TMC1: variants seen among roughly 807,000 people sequenced by gnomAD.
TMC1 encodes the protein transmembrane channel-like protein 1.
Under a neutral mutation model 105.8 loss-of-function variants are expected in TMC1, and 84 were observed. The observed-to-expected ratio is 0.79, with a 90% CI of 0.67 to 0.95. The LOEUF is 0.95. Among genes scored for constraint, TMC1 ranks in the 40% least tolerant of loss-of-function variants. TMC1 has a pLI of 0.00. For synonymous variants in TMC1, 315 were observed against 311.5 expected, an observed-to-expected ratio of 1.01 and a Z score of -0.12; for missense variants, 817 against 914.1, an observed-to-expected ratio of 0.89 and a Z score of 1.37.
At chr9:72,620,488 T>C (rs1336113363) in intron 3 of TMC1, among the ~76,000 whole-genome samples, 1 of 152,114 alleles carries the variant, frequency 6.6e-6, no homozygotes, top group African/African-American at 2.4e-5. Context: ...TGGACTCAAG[T>C]GATCCTCCTA....
chr9:72,683,818 A>G (rs1436239259), intron 5 of TMC1, among the ~76,000 whole-genome samples: 1 of 141,570 alleles, frequency 7.1e-6, no homozygotes, highest in African/African-American at 2.6e-5. Flanking sequence ...CTAAAATGCA[A>G]AATTTTGCTT....
At chr9:72,698,255 CA>C (rs1476136244) in intron 7 of TMC1, among the ~76,000 whole-genome samples, 1 of 151,882 alleles carries the variant, frequency 6.6e-6, no homozygotes, top group East Asian at 1.9e-4. Context: ...TTGAATTGTC[CA>C]AAAAACAAAC....
chr9:72,664,596 A>G (rs1444683168), intron 5 of TMC1, among the ~76,000 whole-genome samples: 1 of 152,108 alleles, frequency 6.6e-6, no homozygotes, highest in Admixed American at 6.6e-5. Flanking sequence ...GAGAGAAGAG[A>G]AGGAGCATCT....
At chr9:72,544,739 CA>C (rs1194393015) in intron 1 of TMC1, among the ~76,000 whole-genome samples, 1 of 151,162 alleles carries the variant, frequency 6.6e-6, no homozygotes, top group African/African-American at 2.4e-5. Context: ...CTCGGCCTCC[CA>C]AAGTGCTGGG....
intron 23 of TMC1, among the ~76,000 whole-genome samples, chr9:72,830,986 G>A (rs558292818): frequency 2.0e-5 from 3 of 152,060 alleles, no homozygotes; most frequent in Admixed American, 1.3e-4. Flanking sequence ...CCATATAGTC[G>A]TCTACAAACA....
intron 17 of TMC1, among the ~76,000 whole-genome samples, chr9:72,796,523 C>A (rs1173888705): frequency 6.6e-6 from 1 of 152,108 alleles, no homozygotes; most frequent in Non-Finnish European, 1.5e-5. Flanking sequence ...GCTAATCCAC[C>A]ACAATCAAGT....
intron 5 of TMC1, among the ~76,000 whole-genome samples, chr9:72,650,689 T>C (rs922181560): frequency 5.3e-5 from 8 of 151,180 alleles, no homozygotes; most frequent in Middle Eastern, 3.4e-3. Flanking sequence ...CCAGGGTCTG[T>C]TGTTTCCTTC....
At chr9:72,734,275 T>C (rs1827261894) in intron 8 of TMC1, among the ~76,000 whole-genome samples, 1 of 152,240 alleles carries the variant, frequency 6.6e-6, no homozygotes, top group Non-Finnish European at 1.5e-5. Context: ...GGGGAACTAC[T>C]GTAATAGTTA....
intron 20 of TMC1, among the ~76,000 whole-genome samples, chr9:72,822,243 G>A (rs1453865985): frequency 6.6e-6 from 1 of 152,172 alleles, no homozygotes; most frequent in African/African-American, 2.4e-5. Context: ...TGAAGGAAAT[G>A]AGACTGTAAA....
chr9:72,788,642 G>A (rs1237132712), intron 14 of TMC1, among the ~76,000 whole-genome samples, 159 bp downstream of exon 14: 1 of 152,026 alleles, frequency 6.6e-6, no homozygotes, highest in East Asian at 1.9e-4. Flanking sequence ...GATTATAACT[G>A]GAAAATCTTC....
chr9:72,725,371 A>ATG (rs1827103199), intron 8 of TMC1, among the ~76,000 whole-genome samples: 1 of 138,642 alleles, frequency 7.2e-6, no homozygotes, highest in African/African-American at 2.6e-5. Context: ...ATATATATGT[A>ATG]TATACACACA....
Position 72,789,142 on chromosome 9 carries a change from A to G in TMC1, c.1049A>G (p.Lys350Arg). The G allele has an allele frequency of 6.2e-7, 1 of 1,612,728 alleles. No homozygotes were observed. Among genetic ancestry groups the G allele is most frequent in the Non-Finnish European group, 8.5e-7 (1 of 1,179,910 alleles). Residue 350 changes from lysine (K) to arginine (R), a missense_variant, in exon 15 of 24, where the codon AAA becomes AGA. By Grantham distance (26) the Lys-to-Arg change is conservative. Transcript: ENST00000297784. ...ATACAGGAAGCTATCACAGAAGAAA[A>G]AGCAGCCCAAGTAGAAGAAAACGTC... ...MNFKEAITEEKAAQVEENVHL... is the reference protein window; with the variant it reads ...MNFKEAITEERAAQVEENVHL...
intron 1 of TMC1, among the ~76,000 whole-genome samples, chr9:72,534,715 C>T (rs1201749812): frequency 6.6e-6 from 1 of 152,082 alleles, no homozygotes; most frequent in Non-Finnish European, 1.5e-5. Context: ...TCTTAATCAA[C>T]TGATGAAGAA....
At position 72,603,354 on chromosome 9, in the gene TMC1, A is replaced by C. The variant is rs141815945; in HGVS notation, c.-305-13014A>C. On this transcript the variant is annotated intron_variant, in intron 2 of 23. Transcript: ENST00000297784. Reference sequence around the variant, plus strand: ...CCATAACCATGTGAGTATCATGTCCAGCAAACTAACTTACTCCTTCTCTCT... The same window carrying C: ...CCATAACCATGTGAGTATCATGTCCCGCAAACTAACTTACTCCTTCTCTCT... Among the ~76,000 whole-genome samples the C allele has an allele frequency of 8.0e-5, 12 of 150,838 alleles. No individual in the cohort carries two copies. In the South Asian group the frequency reaches 1.3e-3, roughly 16 times the overall value.
At chr9:72,576,922 C>G (rs1467993859) in intron 1 of TMC1, among the ~76,000 whole-genome samples, 2 of 151,272 alleles carry the variant, frequency 1.3e-5, no homozygotes, top group Non-Finnish European at 2.9e-5. Context: ...AGCCACCGCG[C>G]CCGGTGCCCT....
At chr9:72,725,338 T>TAC (rs1186678954) in intron 8 of TMC1, among the ~76,000 whole-genome samples, 1 of 105,158 alleles carries the variant, frequency 9.5e-6, no homozygotes, top group African/African-American at 4.1e-5. Flanking sequence ...TATATATATA[T>TAC]ATATATATAT....
At chr9:72,824,640 G>A (rs1828924679) in intron 20 of TMC1, among the ~76,000 whole-genome samples, 1 of 152,144 alleles carries the variant, frequency 6.6e-6, no homozygotes, top group Non-Finnish European at 1.5e-5. Context: ...GGTCTTTATA[G>A]GCACAGGATG....
intron 7 of TMC1, among the ~76,000 whole-genome samples, chr9:72,699,956 CAAAA>C (rs61062887): frequency 0.2 from 9,157 of 45,718 alleles, 228 homozygotes; most frequent in East Asian, 0.43. Flanking sequence ...GACTCTGTCT[CAAAA>C]AAAAAAAAAA....
intron 13 of TMC1, 106 bp from the exon 14 acceptor site, chr9:72,788,233 T>G: frequency 8.4e-7 from 1 of 1,190,986 alleles, no homozygotes; most frequent in Non-Finnish European, 1.2e-6. Context: ...AAAATATATG[T>G]CTTTTTGCTA....
Sources: gnomAD v4.1 joint callset for allele counts (sites outside exome capture counted in the v4.1 genomes callset) on GRCh38, gnomAD v4.1.1 for gene constraint, MANE v1.5 for transcripts, NCBI Gene and HGNC (gene_info 2026-07-23, HGNC 2026-07-21) for gene names.